Variants in WDR88 observed in about 807,000 individuals in gnomAD.
WDR88 encodes WD repeat-containing protein 88.
Under a neutral mutation model 46.8 loss-of-function variants are expected in WDR88, and 40 were observed. The observed-to-expected ratio is 0.86, with a 90% confidence interval of 0.66 to 1.11. The LOEUF (loss-of-function observed/expected upper bound fraction) is 1.11, where lower values mean the gene tolerates loss of function less well. Ranked by LOEUF, WDR88 falls within the 50% of genes most tolerant of loss-of-function variation. The pLI, the probability that WDR88 is intolerant of heterozygous loss-of-function variation, is 0.00. For missense variants in WDR88, 562 were observed against 602.4 expected (o/e 0.93, Z 0.70); for synonymous variants, 235 against 240.7 (o/e 0.98, Z 0.22).
At chr19:33,139,212 C>A (rs549433900) in intron 2 of WDR88, among the ~76,000 whole-genome samples, 47 of 152,326 alleles carry the variant, frequency 3.1e-4, no homozygotes, top group Admixed American at 7.8e-4. Flanking sequence ...GTGCAGCAGG[C>A]AGGGGCACCG....
At chr19:33,142,686 T>A (rs1362447384) in intron 2 of WDR88, 1 of 151,190 alleles carries the variant, frequency 6.6e-6, no homozygotes, top group Non-Finnish European at 1.5e-5. Context: ...CAGACAGCAG[T>A]CCCGGGGGGC....
chr19:33,147,562 C>G, intron 3 of WDR88, 83 bp from the exon 4 acceptor site: 3 of 1,375,460 alleles, frequency 2.2e-6, no homozygotes, highest in Non-Finnish European at 3.1e-6. Flanking sequence ...GGTATTGCAC[C>G]ACTGCACTCC....
chr19:33,174,780 G>A (rs1974096197), intron 10 of WDR88: 1 of 985,308 alleles, frequency 1.0e-6, no homozygotes, highest in East Asian at 1.1e-4. Flanking sequence ...ACTGTCAAGG[G>A]GCTTGCCACG....
intron 8 of WDR88, among the ~76,000 whole-genome samples, chr19:33,161,039 G>A (rs774469735): frequency 3.1e-4 from 47 of 152,006 alleles, no homozygotes; most frequent in Non-Finnish European, 1.5e-5. Context: ...CGGGTGTGGT[G>A]GTGCAAACCT....
intron 1 of WDR88, among the ~76,000 whole-genome samples, 174 bp downstream of exon 1, chr19:33,132,619 C>G (rs748123671): frequency 2.0e-5 from 3 of 152,204 alleles, no homozygotes; most frequent in Non-Finnish European, 4.4e-5. Flanking sequence ...TCAGACCCAC[C>G]TGAGCAGGGC....
chr19:33,137,177 C>T (rs1973285717), intron 1 of WDR88, among the ~76,000 whole-genome samples: 1 of 151,106 alleles, frequency 6.6e-6, no homozygotes, highest in South Asian at 2.1e-4. Context: ...GTCTTGAACT[C>T]CTAGGCTCAA....
At chr19:33,156,232 G>T in intron 6 of WDR88, 123 bp from the exon 7 acceptor site, 1 of 940,560 alleles carries the variant, frequency 1.1e-6, no homozygotes, top group Non-Finnish European at 1.6e-6. Context: ...CTCTTGGGGC[G>T]AAGTGCTAGC....
chr19:33,136,493 A>G (rs887580772), intron 1 of WDR88, among the ~76,000 whole-genome samples: 9 of 151,636 alleles, frequency 5.9e-5, no homozygotes, highest in African/African-American at 2.2e-4. Context: ...GCCCGGCCAC[A>G]CTATGGTTTT....
At chr19:33,135,362 G>A (rs558886025) in intron 1 of WDR88, among the ~76,000 whole-genome samples, 1 of 152,294 alleles carries the variant, frequency 6.6e-6, no homozygotes, top group African/African-American at 2.4e-5. Flanking sequence ...GTTGTAGCCT[G>A]TAGCAGTGCT....
intron 7 of WDR88, among the ~76,000 whole-genome samples, chr19:33,158,693 C>T (rs1371382703): frequency 1.4e-5 from 2 of 140,758 alleles, no homozygotes; most frequent in African/African-American, 6.2e-5. Context: ...CTATTTAGTG[C>T]CACCATTTTT....
intron 8 of WDR88, among the ~76,000 whole-genome samples, chr19:33,162,309 T>C (rs1973881312): frequency 6.6e-6 from 1 of 152,042 alleles, no homozygotes; most frequent in Admixed American, 6.5e-5. Flanking sequence ...CACACCATTC[T>C]CCTACCTCAG....
At position 33,133,738 on chromosome 19, in the gene WDR88, C is replaced by G. The variant is rs550663197; in HGVS notation, c.276+1293C>G. On this transcript the variant is annotated intron_variant, in intron 1 of 10. Coordinates refer to ENST00000355868, the MANE Select transcript of WDR88 (RefSeq NM_173479.4). ...ATCTGGCACCTCTCCATGTTCTCCT[C>G]CCCCATCCCCCTGTCTTGCTGACCT... is the stretch of plus-strand genomic sequence containing the variant. Among the ~76,000 whole-genome samples the G allele has an allele frequency of 2.0e-3, 308 of 152,314 alleles. 1 individual carries two copies. The highest frequency in any genetic ancestry group is 3.5e-3 in the Non-Finnish European group (236 of 68,030).
At chr19:33,133,724 C>G (rs770716385) in intron 1 of WDR88, among the ~76,000 whole-genome samples, 4 of 152,154 alleles carry the variant, frequency 2.6e-5, no homozygotes, top group African/African-American at 9.7e-5. Context: ...TCTGGCACCT[C>G]TCCATGTTCT....
intron 6 of WDR88, among the ~76,000 whole-genome samples, chr19:33,152,529 T>G (rs1973656073): frequency 6.6e-6 from 1 of 152,192 alleles, no homozygotes; most frequent in Admixed American, 6.6e-5. Context: ...CTCTTGTGAT[T>G]AGGTTATTTC....
chr19:33,149,039 G>T, intron 5 of WDR88, 129 bp downstream of exon 5: 1 of 1,414,916 alleles, frequency 7.1e-7, no homozygotes, highest in Non-Finnish European at 9.5e-7. Flanking sequence ...ATTAAAGCTG[G>T]GACACTAGGC....
intron 1 of WDR88, among the ~76,000 whole-genome samples, chr19:33,134,692 G>C (rs915529548): frequency 5.3e-5 from 8 of 152,074 alleles, no homozygotes; most frequent in Non-Finnish European, 1.0e-4. Flanking sequence ...GCCCGACGGG[G>C]TTAGCGAACT....
At chr19:33,172,077 T>G (rs943327898) in intron 9 of WDR88, among the ~76,000 whole-genome samples, 37 of 152,196 alleles carry the variant, frequency 2.4e-4, no homozygotes, top group African/African-American at 8.9e-4. Context: ...CAGAATAGTT[T>G]TACTATTCAT....
Position 33,134,844 on chromosome 19 carries a change from C to A in WDR88, c.276+2399C>A, listed in dbSNP as rs7249077. 3.4e-4 allele frequency among the ~76,000 whole-genome samples: 44 copies of A among 128,536 alleles called. No homozygotes were observed. The South Asian group carries it at 6.7e-3, about 19-fold the overall frequency. 84.3% of individuals were successfully genotyped at this position (128,536 alleles called of 152,430 possible). On this transcript the variant is annotated intron_variant, in intron 1 of 10. Coordinates refer to ENST00000355868, the MANE Select transcript of WDR88 (RefSeq NM_173479.4). ...CTCCACCTGCACGTCCCCGACACCC[C>A]CCCCCCCGCCCCGCATCACCTGCAA...
chr19:33,166,474 C>T (rs773791755), intron 9 of WDR88, among the ~76,000 whole-genome samples: 1 of 151,740 alleles, frequency 6.6e-6, no homozygotes, highest in Non-Finnish European at 1.5e-5. Flanking sequence ...CTCAGTTACT[C>T]CAGGCCCAGC....
Sources: allele counts gnomAD v4.1 joint callset (sites outside exome capture counted in the v4.1 genomes callset), GRCh38; gene constraint gnomAD v4.1.1; transcripts MANE v1.5; gene names NCBI Gene and HGNC (gene_info 2026-07-23, HGNC 2026-07-21).